Variants in FSTL4 observed in about 807,000 individuals in gnomAD.
FSTL4 encodes follistatin like 4.
FSTL4 carries 28 observed loss-of-function variants against 78.2 expected under a neutral mutation model. The ratio of observed to expected loss-of-function variants is 0.36; its 90% CI spans 0.27 to 0.49. FSTL4 has a LOEUF of 0.49. Ranked by LOEUF, FSTL4 falls within the 20% of genes least tolerant of loss-of-function variation. FSTL4 has a pLI of 0.98. For missense variants in FSTL4, 922 were observed against 1,084.9 expected (o/e 0.85, Z 2.11); for synonymous variants, 422 against 440.5 (o/e 0.96, Z 0.53).
At chr5:133,780,115 G>A in the FSTL4 span, among the ~76,000 whole-genome samples, 6 of 152,276 alleles carry the variant, frequency 3.9e-5, no homozygotes, top group East Asian at 1.9e-4. Context: ...GGGCTGCCCC[G>A]AAAGGGATGA....
chr5:133,579,355 C>T (rs906717723), intron 2 of FSTL4, among the ~76,000 whole-genome samples: 6 of 152,206 alleles, frequency 3.9e-5, no homozygotes, highest in Admixed American at 6.5e-5. Flanking sequence ...TGAAGCCTGA[C>T]GTGCTCTATT....
At chr5:133,624,598 A>C in the FSTL4 span, among the ~76,000 whole-genome samples, 1 of 151,862 alleles carries the variant, frequency 6.6e-6, no homozygotes, top group Non-Finnish European at 1.5e-5. Flanking sequence ...TTTCACTTCC[A>C]AACAAAAAAA....
At chr5:133,480,846 G>C (rs541968082) in intron 3 of FSTL4, among the ~76,000 whole-genome samples, 22 of 152,266 alleles carry the variant, frequency 1.4e-4, no homozygotes, top group African/African-American at 5.1e-4. Flanking sequence ...GTGGAAACTT[G>C]ATTTTTAAAT....
the FSTL4 span, among the ~76,000 whole-genome samples, chr5:133,632,004 G>A: frequency 0.046 from 7,066 of 152,144 alleles, 500 homozygotes; most frequent in African/African-American, 0.16. Flanking sequence ...GTTGTGGGGT[G>A]GGGGTTAGGG....
the FSTL4 span, among the ~76,000 whole-genome samples, chr5:133,771,632 T>C: frequency 1.3e-5 from 2 of 152,176 alleles, no homozygotes; most frequent in African/African-American, 4.8e-5. Flanking sequence ...AGGATTTTTT[T>C]TTGTGGAGTC....
At chr5:133,364,127 G>GAC in intron 4 of FSTL4, among the ~76,000 whole-genome samples, 1 of 152,198 alleles carries the variant, frequency 6.6e-6, no homozygotes, top group Non-Finnish European at 1.5e-5. Context: ...ATCAGCAGGC[G>GAC]ATTGACAACT....
chr5:133,648,621 C>T, the FSTL4 span, among the ~76,000 whole-genome samples: 1 of 152,288 alleles, frequency 6.6e-6, no homozygotes, highest in East Asian at 1.9e-4. Context: ...GCTTATCAAC[C>T]ACAGTTCCCC....
chr5:133,577,701 C>T (rs256252), intron 2 of FSTL4, among the ~76,000 whole-genome samples: 58,292 of 151,914 alleles, frequency 0.38, 11,305 homozygotes, highest in Non-Finnish European at 0.39. Flanking sequence ...CCCACGAGTT[C>T]GAGACCAGCC....
At chr5:133,477,606 C>T (rs538901917) in intron 3 of FSTL4, among the ~76,000 whole-genome samples, 1 of 152,260 alleles carries the variant, frequency 6.6e-6, no homozygotes, top group East Asian at 1.9e-4. Flanking sequence ...TCCCAAAACC[C>T]CGCTCTTAAT....
At chr5:133,659,298 G>A in the FSTL4 span, among the ~76,000 whole-genome samples, 3 of 152,016 alleles carry the variant, frequency 2.0e-5, no homozygotes, top group East Asian at 1.9e-4. Flanking sequence ...GTACATATTC[G>A]TTATCATTCT....
the FSTL4 span, among the ~76,000 whole-genome samples, chr5:133,735,664 A>G: frequency 2.0e-5 from 3 of 152,312 alleles, no homozygotes; most frequent in South Asian, 6.2e-4. Flanking sequence ...ATAGAAAAAC[A>G]TATTTACCAA....
At chr5:133,640,834 G>C in the FSTL4 span, among the ~76,000 whole-genome samples, 11 of 152,328 alleles carry the variant, frequency 7.2e-5, no homozygotes, top group African/African-American at 2.6e-4. Context: ...CAGAATTTAA[G>C]ATGCATTTCT....
intron 3 of FSTL4, among the ~76,000 whole-genome samples, chr5:133,515,992 T>C (rs1255299384): frequency 6.6e-6 from 1 of 151,760 alleles, no homozygotes; most frequent in Non-Finnish European, 1.5e-5. Context: ...CAAAAATAAA[T>C]AAATAAAAAC....
the FSTL4 span, among the ~76,000 whole-genome samples, chr5:133,661,930 A>G: frequency 1.3e-5 from 2 of 152,242 alleles, no homozygotes; most frequent in South Asian, 4.1e-4. Context: ...TATTCAACAG[A>G]TATTTGTTGG....
chr5:133,577,741 C>T (rs1561475572), intron 2 of FSTL4, among the ~76,000 whole-genome samples: 2 of 152,000 alleles, frequency 1.3e-5, no homozygotes, highest in African/African-American at 4.8e-5. Flanking sequence ...CCCCTCTCTA[C>T]AAAAAAATAT....
At chr5:133,646,170 A>G in the FSTL4 span, among the ~76,000 whole-genome samples, 18 of 152,212 alleles carry the variant, frequency 1.2e-4, no homozygotes, top group Non-Finnish European at 2.4e-4. Flanking sequence ...AATGCAAGAG[A>G]CCTTATTTAA....
At chr5:133,405,827 G>C (rs375288870) in intron 3 of FSTL4, among the ~76,000 whole-genome samples, 1 of 152,332 alleles carries the variant, frequency 6.6e-6, no homozygotes, top group East Asian at 1.9e-4. Flanking sequence ...CTCCAGTCCC[G>C]TGCCATGTCT....
the FSTL4 span, among the ~76,000 whole-genome samples, chr5:133,794,835 G>A: frequency 6.6e-6 from 1 of 152,102 alleles, no homozygotes; most frequent in South Asian, 2.1e-4. Context: ...CTAGCAGGCA[G>A]AAGACGGGGG....
the FSTL4 span, among the ~76,000 whole-genome samples, chr5:133,798,982 G>GAGGGAGGA: frequency 1.5e-5 from 2 of 129,038 alleles, no homozygotes; most frequent in South Asian, 5.4e-4. Context: ...GGGAGGGAGG[G>GAGGGAGGA]AGGGAGGAAG....
Sources: allele counts gnomAD v4.1 joint callset (sites outside exome capture counted in the v4.1 genomes callset), GRCh38; gene constraint gnomAD v4.1.1; transcripts MANE v1.5; gene names NCBI Gene and HGNC (gene_info 2026-07-23, HGNC 2026-07-21).